Variants in MCM3AP observed in about 807,000 individuals in gnomAD.
MCM3AP encodes minichromosome maintenance complex component 3 associated protein, also known as germinal-center associated nuclear protein.
In MCM3AP, 126 loss-of-function variants were observed where a neutral mutation model predicts 184.1. The observed-to-expected ratio is 0.68, with a 90% CI of 0.59 to 0.79. MCM3AP has a LOEUF of 0.79. Among genes scored for constraint, MCM3AP ranks in the 30% least tolerant of loss-of-function variants. The pLI is 0.00. For missense variants in MCM3AP, 2,496 were observed against 2,479.2 expected (o/e 1.01, Z -0.14); for synonymous variants, 1,002 against 979.3 (o/e 1.02, Z -0.43).
chr21:46,250,464 G>A (rs151030184), intron 20 of MCM3AP: 72 of 152,324 alleles, frequency 4.7e-4, no homozygotes, highest in African/African-American at 1.7e-3. Context: ...GCCAACAAAA[G>A]CAACAGGATG....
At chr21:46,270,593 G>C in intron 8 of MCM3AP, 30 bp from the exon 9 acceptor site, 1 of 1,546,438 alleles carries the variant, frequency 6.5e-7, no homozygotes, top group South Asian at 1.2e-5. Context: ...AAAGGGGTTG[G>C]AATGTTATTT....
At position 46,277,632 on chromosome 21, in the gene MCM3AP, GGCCCTCGGA is replaced by G. The variant is rs749037971; in HGVS notation, c.1744_1752del (p.Ser582_Gly584del). 9.3e-6 allele frequency: 15 copies of G among 1,612,028 alleles called. No individual in the cohort carries two copies. In the East Asian group the frequency reaches 2.0e-4, roughly 22 times the overall value. ...CTGAGGGAGAGCACACATGGCCCGA[GGCCCTCGGA>G]GCCCTCGGAGGCTGAGTCAAAAGAG... is the stretch of plus-strand genomic sequence containing the variant. On this transcript the variant is annotated inframe_deletion, in exon 5 of 28. Transcript: ENST00000291688.
intron 25 of MCM3AP, 145 bp from the exon 26 acceptor site, chr21:46,241,162 G>A (rs548773274): frequency 1.8e-5 from 12 of 656,778 alleles, no homozygotes; most frequent in Non-Finnish European, 3.2e-5. Flanking sequence ...AACAGCTCAT[G>A]CTGGCCCCAT....
Position 46,272,624 on chromosome 21 carries a change from G to A in MCM3AP, c.2402C>T (p.Ala801Val), listed in dbSNP as rs757230263. ...GTAGCCCTGGAACTCCGCTTCGCTGGCACAGAAGACACCCTTGTTTCTCAG... is the reference window on the plus strand; with the variant it reads ...GTAGCCCTGGAACTCCGCTTCGCTGACACAGAAGACACCCTTGTTTCTCAG... ...QDLRNKGVFCASEAEFQGYNV... is the reference protein window; with the variant it reads ...QDLRNKGVFCVSEAEFQGYNV... The change falls in exon 8 of 28, where the codon GCC becomes GTC. Residue 801 changes from alanine (A) to valine (V), a missense_variant. By Grantham distance (64) the Ala-to-Val change is moderately conservative (BLOSUM62 0). Around this residue, in one of 5 missense-constraint regions of MCM3AP, gnomAD observed 105 missense variants for 97.1 expected, o/e 1.08. Coordinates refer to ENST00000291688, the MANE Select transcript of MCM3AP (RefSeq NM_003906.5). 5 of 1,614,032 alleles carry A rather than the reference G, an allele frequency of 3.1e-6. No individual in the cohort carries two copies. The East Asian group carries it at 8.9e-5, about 29-fold the overall frequency.
rs1450088608 is a variant in MCM3AP at position 46,256,871 on chromosome 21, C to G, written c.3850G>C (p.Glu1284Gln). Residue 1284 changes from glutamate to glutamine, a missense_variant, in exon 17 of 28, where the codon GAG becomes CAG. Physicochemically the swap from Glu to Gln is conservative, Grantham distance 29 (BLOSUM62 2). This residue lies in a region of MCM3AP where 1,323 missense variants were observed against 1,273.4 expected (regional missense o/e 1.04). Coordinates refer to ENST00000291688, the MANE Select transcript of MCM3AP (RefSeq NM_003906.5). ...AGGTTCTCTTCAGCAATGGGGCACT[C>G]TGCGCTGGGCGCCAGCGCCCTCAGC... ...DRLRALAPSAECPIAEENLAR... is the reference protein window; with the variant it reads ...DRLRALAPSAQCPIAEENLAR... 1.3e-6 allele frequency: 2 copies of G among 1,590,448 alleles called. No homozygotes were observed. The highest frequency in any genetic ancestry group is 1.1e-5 in the South Asian group (1 of 87,714).
In MCM3AP at chr21:46,277,577, G is replaced by C. The variant is rs754527386; in HGVS notation, c.1808C>G (p.Ser603Cys). Reference protein sequence around the residue: ...STLIGTVAETSKEKYRLLDQR... With the variant: ...STLIGTVAETCKEKYRLLDQR... The stretch of plus-strand genomic sequence containing the variant: ...GTCAAGCAGGCGGTACTTCTCCTTG[G>C]ATGTCTCAGCCACAGTGCCTATCAG... Residue 603 changes from serine (S) to cysteine (C), a missense_variant, in exon 5 of 28, where the codon TCC becomes TGC. Physicochemically the swap from Ser to Cys is moderately radical, Grantham distance 112. Coordinates refer to ENST00000291688, the MANE Select transcript of MCM3AP (RefSeq NM_003906.5). The C allele has an allele frequency of 1.9e-6, 3 of 1,606,896 alleles. No individual in the cohort carries two copies. The highest frequency in any genetic ancestry group is 2.2e-5 in the South Asian group (2 of 90,150).
chr21:46,254,654 A>C, intron 18 of MCM3AP, 122 bp downstream of exon 18: 1 of 1,427,742 alleles, frequency 7.0e-7, no homozygotes, highest in Non-Finnish European at 9.8e-7. Flanking sequence ...TGCAAACTAG[A>C]AACCAAGTCT....
intron 17 of MCM3AP, 116 bp downstream of exon 17, chr21:46,256,650 CTCGCCTCCAGGCTTCACCTATCT>C (rs1000957363): frequency 5.5e-5 from 59 of 1,075,126 alleles, no homozygotes; most frequent in African/African-American, 7.9e-5. Context: ...TGTGCCTGTC[CTCGCCTCCAGGCTTCACCTATCT>C]TCGCCTCCAG....
chr21:46,246,759 TCCTC>T lies in MCM3AP; in HGVS notation c.4414_4417del (p.Glu1472ThrfsTer42), dbSNP rs781602003. ...CAGCAAGGCCGACAGCCAGTACACG[TCCTC>T]CTCTGCCATGTCCTCACTCTTCATT... is the stretch of plus-strand genomic sequence containing the variant. On this transcript the variant is annotated frameshift_variant, in exon 21 of 28. Transcript: ENST00000291688. LOFTEE classifies it high-confidence loss of function. 1 of 1,614,168 alleles carries T rather than the reference TCCTC, an allele frequency of 6.2e-7. No homozygotes were observed. Among genetic ancestry groups the T allele is most frequent in the South Asian group, 1.1e-5 (1 of 91,078 alleles).
At chr21:46,256,453 G>A (rs11700727) in intron 17 of MCM3AP, 60,132 of 323,960 alleles carry the variant, frequency 0.19, 6,565 homozygotes, top group Middle Eastern at 0.23. Context: ...GTGGACCTCC[G>A]GCTCCTCCAA....
intron 9 of MCM3AP, among the ~76,000 whole-genome samples, chr21:46,269,663 T>C (rs921204859): frequency 6.6e-6 from 1 of 152,134 alleles, no homozygotes; most frequent in African/African-American, 2.4e-5. Flanking sequence ...CCCCACGCTG[T>C]GGCCACTACG....
At chr21:46,269,011 C>G (rs1246569267) in intron 9 of MCM3AP, among the ~76,000 whole-genome samples, 1 of 152,186 alleles carries the variant, frequency 6.6e-6, no homozygotes, top group African/African-American at 2.4e-5. Context: ...GCACTCCAGC[C>G]TGGGCAACAG....
chr21:46,280,062 G>A lies in MCM3AP; in HGVS notation c.1598C>T (p.Ala533Val). Reference protein sequence around the residue: ...DGEVSPSTEDAPFQHSPLGKA... With the variant: ...DGEVSPSTEDVPFQHSPLGKA... ...GCCAAGAGGAGAGTGCTGAAAGGGT[G>A]CATCCTCTGTGCTCGGGCTGACTTC... The change falls in exon 4 of 28, where the codon GCA becomes GTA. Residue 533 changes from alanine (A) to valine (V), a missense_variant. By Grantham distance (64) the Ala-to-Val change is moderately conservative. Coordinates refer to ENST00000291688, the MANE Select transcript of MCM3AP (RefSeq NM_003906.5). The A allele has an allele frequency of 6.2e-7, 1 of 1,614,080 alleles. No individual in the cohort carries two copies. The highest frequency in any genetic ancestry group is 2.2e-5 in the East Asian group (1 of 44,892).
chr21:46,251,697 AAAAC>A lies in MCM3AP; in HGVS notation c.4137-19_4137-16del, dbSNP rs2080871400. The stretch of plus-strand genomic sequence containing the variant: ...TTGCTAGAATTCTACAGATTTAAAA[AAAAC>A]AAAAAACAAAAAAAACACTTGAAGA... On this transcript the variant is annotated splice_polypyrimidine_tract_variant and intron_variant, in intron 19 of 27. Coordinates refer to ENST00000291688, the MANE Select transcript of MCM3AP (RefSeq NM_003906.5). The A allele has an allele frequency of 1.4e-6, 2 of 1,466,026 alleles. No individual in the cohort carries two copies. Among genetic ancestry groups the A allele is most frequent in the Non-Finnish European group, 9.4e-7 (1 of 1,068,964 alleles). 90.8% of individuals were successfully genotyped at this position (1,466,026 alleles called of 1,614,324 possible). A position where few individuals can be genotyped will look rare whatever the true frequency, so the allele number is the denominator to read the frequency against.
chr21:46,267,401 A>C, intron 9 of MCM3AP: 1 of 450,094 alleles, frequency 2.2e-6, no homozygotes, highest in Non-Finnish European at 4.0e-6. Context: ...TCATAAGAGA[A>C]ATCATGAAAC....
rs980353528 is a variant in MCM3AP, at chr21:46,278,961, T to C, written c.1667+1032A>G. The stretch of plus-strand genomic sequence containing the variant: ...GTGCTGGGATTACAGGCGTGAGCAC[T>C]GCGCCCGGCCAGGAGACAGCTCTTC... On this transcript the variant is annotated intron_variant, in intron 4 of 27. Coordinates refer to ENST00000291688, the MANE Select transcript of MCM3AP (RefSeq NM_003906.5). Among the ~76,000 whole-genome samples the C allele has an allele frequency of 4.1e-4, 57 of 139,424 alleles. 1 individual carries two copies. Among genetic ancestry groups the C allele is most frequent in the South Asian group, 3.2e-3 (14 of 4,388 alleles). 91.5% of individuals were successfully genotyped at this position (139,424 alleles called of 152,430 possible).
At chr21:46,250,496 A>G (rs1381835066) in intron 20 of MCM3AP, 2 of 152,228 alleles carry the variant, frequency 1.3e-5, no homozygotes, top group African/African-American at 4.8e-5. Context: ...TTTAGGTTAT[A>G]AACACACTCA....
At chr21:46,264,041 T>G in intron 13 of MCM3AP, 76 bp downstream of exon 13, 42 of 988,560 alleles carry the variant, frequency 4.2e-5, no homozygotes, top group Non-Finnish European at 5.6e-5. Flanking sequence ...GGCAACTTTA[T>G]GAGAGGAAAC....
chr21:46,277,788 C>A, intron 4 of MCM3AP, 71 bp from the exon 5 acceptor site: 1 of 885,372 alleles, frequency 1.1e-6, no homozygotes, highest in Non-Finnish European at 1.7e-6. Context: ...TTTCTGAACA[C>A]GTCCCCTCAT....
Sources: gnomAD v4.1 joint callset for allele counts (sites outside exome capture counted in the v4.1 genomes callset) on GRCh38, gnomAD v4.1.1 for gene constraint, gnomAD v4.1.1 regional missense constraint, MANE v1.5 for transcripts, NCBI Gene and HGNC (gene_info 2026-07-23, HGNC 2026-07-21) for gene names.